FBXL7: variants seen among roughly 807,000 people sequenced by gnomAD.
FBXL7 encodes F-box/LRR-repeat protein 7.
Under a neutral mutation model 38.3 loss-of-function variants are expected in FBXL7, and 12 were observed. The ratio of observed to expected loss-of-function variants is 0.31; its 90% confidence interval spans 0.20 to 0.51. FBXL7 has a LOEUF of 0.51. FBXL7 is among the 20% of genes least tolerant of loss of function. FBXL7 has a pLI of 0.98. For synonymous variants in FBXL7, 297 were observed against 300.9 expected (o/e 0.99, Z 0.13); for missense variants, 567 against 676.4 (o/e 0.84, Z 1.79).
At chr5:15,645,958 T>C (rs1741517911) in intron 2 of FBXL7, among the ~76,000 whole-genome samples, 1 of 152,212 alleles carries the variant, frequency 6.6e-6, no homozygotes, top group African/African-American at 2.4e-5. Flanking sequence ...AGTTGCTTCA[T>C]TTGTGTTTCT....
chr5:15,751,192 TG>T (rs1483026329), intron 2 of FBXL7, among the ~76,000 whole-genome samples: 1 of 152,240 alleles, frequency 6.6e-6, no homozygotes, highest in African/African-American at 2.4e-5. Context: ...CTATCATAAT[TG>T]TTACACTATT....
chr5:15,862,662 G>T (rs1488486371), intron 2 of FBXL7, among the ~76,000 whole-genome samples: 2 of 152,314 alleles, frequency 1.3e-5, no homozygotes, highest in East Asian at 3.9e-4. Context: ...GCTCTTTCCT[G>T]TATTTCAGTG....
intron 2 of FBXL7, among the ~76,000 whole-genome samples, chr5:15,641,863 G>A (rs981529003): frequency 1.3e-5 from 2 of 151,798 alleles, no homozygotes; most frequent in Admixed American, 1.3e-4. Flanking sequence ...CAGACCTTGG[G>A]ACTTTTCAGC....
At chr5:15,857,251 A>G (rs1235303677) in intron 2 of FBXL7, among the ~76,000 whole-genome samples, 1 of 152,186 alleles carries the variant, frequency 6.6e-6, no homozygotes, top group Non-Finnish European at 1.5e-5. Context: ...GCTGAATTAT[A>G]ATATTAACTA....
intron 2 of FBXL7, among the ~76,000 whole-genome samples, chr5:15,699,431 T>A (rs964003685): frequency 2.6e-5 from 4 of 152,176 alleles, no homozygotes; most frequent in African/African-American, 4.8e-5. Context: ...TCCTTCGCCA[T>A]CCCGTTGTGC....
chr5:15,846,050 T>G (rs1738892808), intron 2 of FBXL7, among the ~76,000 whole-genome samples: 1 of 152,220 alleles, frequency 6.6e-6, no homozygotes, highest in African/African-American at 2.4e-5. Flanking sequence ...TCCAAATATA[T>G]CCACTATGGT....
At chr5:15,524,113 A>T in intron 1 of FBXL7, among the ~76,000 whole-genome samples, 1 of 152,214 alleles carries the variant, frequency 6.6e-6, no homozygotes, top group East Asian at 1.9e-4. Context: ...CTAAATAACA[A>T]TAGAAAATTT....
intron 2 of FBXL7, among the ~76,000 whole-genome samples, chr5:15,808,666 C>T (rs1424306226): frequency 6.6e-6 from 1 of 152,178 alleles, no homozygotes; most frequent in Non-Finnish European, 1.5e-5. Context: ...TGGCTAGTTT[C>T]CAGTGGTGAC....
chr5:15,872,991 C>T (rs547212512), intron 2 of FBXL7, among the ~76,000 whole-genome samples: 1 of 152,272 alleles, frequency 6.6e-6, no homozygotes, highest in South Asian at 2.1e-4. Context: ...CTTCTCAGCA[C>T]CACATAGCAC....
At chr5:15,903,258 C>T (rs1017221465) in intron 2 of FBXL7, among the ~76,000 whole-genome samples, 1 of 152,166 alleles carries the variant, frequency 6.6e-6, no homozygotes, top group Non-Finnish European at 1.5e-5. Context: ...ATAAATCCTG[C>T]CTACCTGGAG....
chr5:15,614,533 G>T (rs993370783), intron 1 of FBXL7, among the ~76,000 whole-genome samples: 13 of 152,198 alleles, frequency 8.5e-5, no homozygotes, highest in African/African-American at 1.2e-4. Flanking sequence ...GTCTCCCAAA[G>T]TGCTGGGATT....
At chr5:15,804,719 C>G (rs1002330905) in intron 2 of FBXL7, among the ~76,000 whole-genome samples, 1 of 152,102 alleles carries the variant, frequency 6.6e-6, no homozygotes, top group Non-Finnish European at 1.5e-5. Flanking sequence ...GCATTAGATT[C>G]TCACAGGAGT....
chr5:15,764,220 C>T (rs1011852375), intron 2 of FBXL7, among the ~76,000 whole-genome samples: 1 of 152,138 alleles, frequency 6.6e-6, no homozygotes, highest in Non-Finnish European at 1.5e-5. Flanking sequence ...TGGAGACTGA[C>T]CTCATATTTC....
chr5:15,914,254 CG>C (rs1469430609), intron 2 of FBXL7, among the ~76,000 whole-genome samples: 2 of 151,754 alleles, frequency 1.3e-5, no homozygotes, highest in Non-Finnish European at 2.9e-5. Flanking sequence ...GGCGTGGTGG[CG>C]GGTGCCTGTA....
At chr5:15,599,380 CAT>C (rs1262167042) in intron 1 of FBXL7, among the ~76,000 whole-genome samples, 1 of 151,874 alleles carries the variant, frequency 6.6e-6, no homozygotes, top group African/African-American at 2.4e-5. Flanking sequence ...TGTGTGTATG[CAT>C]ATATATATTT....
intron 1 of FBXL7, among the ~76,000 whole-genome samples, chr5:15,553,173 C>T (rs965803082): frequency 2.6e-5 from 4 of 152,168 alleles, no homozygotes; most frequent in African/African-American, 7.2e-5. Flanking sequence ...TCATTTGGAC[C>T]CCAGCCCTCT....
chr5:15,581,385 C>T (rs1739135232), intron 1 of FBXL7, among the ~76,000 whole-genome samples: 1 of 152,178 alleles, frequency 6.6e-6, no homozygotes, highest in Admixed American at 6.5e-5. Flanking sequence ...CACCCCCGGG[C>T]TGTGCCACAG....
chr5:15,512,040 A>C (rs1736809403), intron 1 of FBXL7, among the ~76,000 whole-genome samples: 1 of 152,226 alleles, frequency 6.6e-6, no homozygotes, highest in African/African-American at 2.4e-5. Flanking sequence ...ACATTAAGAC[A>C]AAGTTATTTT....
At chr5:15,901,318 T>G (rs1435768288) in intron 2 of FBXL7, among the ~76,000 whole-genome samples, 2 of 152,198 alleles carry the variant, frequency 1.3e-5, no homozygotes, top group Non-Finnish European at 1.5e-5. Context: ...CTTCACGTGG[T>G]AGAAGAAGGG....
Sources: gnomAD v4.1 joint callset for allele counts (sites outside exome capture counted in the v4.1 genomes callset) on GRCh38, gnomAD v4.1.1 for gene constraint, MANE v1.5 for transcripts, NCBI Gene and HGNC (gene_info 2026-07-23, HGNC 2026-07-21) for gene names.